LRCH2: variants seen among roughly 807,000 people sequenced by gnomAD.
LRCH2 encodes leucine rich repeats and calponin homology domain containing 2.
Under a neutral mutation model 68.9 loss-of-function variants are expected in LRCH2, and 38 were observed. That is an observed-to-expected ratio of 0.55 (90% CI 0.43 to 0.72). The LOEUF is 0.72. Among genes scored for constraint, LRCH2 ranks in the 30% least tolerant of loss-of-function variants. The pLI is 0.00. For synonymous variants in LRCH2, 191 were observed against 208.1 expected (o/e 0.92, Z 0.71); for missense variants, 528 against 572.9 (o/e 0.92, Z 0.80).
intron 1 of LRCH2, chrX:115,190,773 C>T (rs1556558115): frequency 8.6e-7 from 1 of 1,165,536 alleles, no homozygotes; most frequent in Admixed American, 2.6e-5. Flanking sequence ...ATGCCCACAG[C>T]AGGGGCCGGT....
In LRCH2 at chrX:115,179,444, G is replaced by A; in HGVS notation, c.847C>T (p.Gln283Ter). Residue 283 changes from glutamine (Q) to a stop codon, truncating the protein, a stop_gained, in exon 5 of 21, where the codon CAA becomes TAA. Coordinates refer to ENST00000317135, the MANE Select transcript of LRCH2 (RefSeq NM_020871.4). LOFTEE classifies it high-confidence loss of function. ...QVIILDNNPL[Q>*]VPPAQICLKG... ...TTACAAACCTGTGCTGGTGGTACTT[G>A]CAATGGATTGTTATCCAAAATTATT... is the stretch of plus-strand genomic sequence containing the variant. The A allele has an allele frequency of 1.8e-6, 2 of 1,131,600 alleles. No homozygotes were observed. Among genetic ancestry groups the A allele is most frequent in the South Asian group, 2.2e-5 (1 of 45,556 alleles). The allele number at this position is 1,131,600 out of a possible 1,213,427, so 93.3% of individuals were successfully genotyped here. A position where few individuals can be genotyped will look rare whatever the true frequency, so the allele number is the denominator to read the frequency against.
In LRCH2 at chrX:115,113,073, T is replaced by C. The variant is rs972837107; in HGVS notation, c.*143A>G. ...CGGGCAATTCAATGTTTAAGTTTGA[T>C]GTTTCAATGTAATTTTTTTAAAATC... is the stretch of plus-strand genomic sequence containing the variant. On this transcript the variant is annotated 3_prime_UTR_variant, in exon 21 of 21. Coordinates refer to ENST00000317135, the MANE Select transcript of LRCH2 (RefSeq NM_020871.4). 18 of 447,317 alleles carry C rather than the reference T, an allele frequency of 4.0e-5. No individual in the cohort carries two copies. Among genetic ancestry groups the C allele is most frequent in the Non-Finnish European group, 5.8e-5 (17 of 294,149 alleles). The allele number at this position is 447,317 out of a possible 1,213,427, so 36.9% of individuals were successfully genotyped here.
At chrX:115,120,915 G>A (rs1437639851) in intron 20 of LRCH2, among the ~76,000 whole-genome samples, 12 of 104,105 alleles carry the variant, frequency 1.2e-4, no homozygotes, top group African/African-American at 2.8e-4. Flanking sequence ...GTAAACTATC[G>A]CAAGAACAAA....
intron 15 of LRCH2, among the ~76,000 whole-genome samples, chrX:115,128,957 T>C (rs1264453186): frequency 1.8e-5 from 2 of 112,159 alleles, no homozygotes; most frequent in Non-Finnish European, 3.8e-5. Context: ...GTAATTTTAG[T>C]GTACAGCCAA....
In LRCH2 at chrX:115,140,077, G is replaced by A. The variant is rs782789148; in HGVS notation, c.1695+9750C>T. On this transcript the variant is annotated intron_variant, in intron 14 of 20. Transcript: ENST00000317135. Reference sequence around the variant, plus strand: ...CCCCCAACCCCAGACAGTGCAGCTCGCAGCAATGAGAAAGAGACCCCTTCC... The same window carrying A: ...CCCCCAACCCCAGACAGTGCAGCTCACAGCAATGAGAAAGAGACCCCTTCC... 7.2e-5 allele frequency among the ~76,000 whole-genome samples: 8 copies of A among 111,006 alleles called. No individual in the cohort carries two copies. In the South Asian group the frequency reaches 3.1e-3, roughly 43 times the overall value.
chrX:115,176,573 C>CAG (rs2072649737), intron 5 of LRCH2, among the ~76,000 whole-genome samples: 1 of 107,436 alleles, frequency 9.3e-6, no homozygotes, highest in South Asian at 4.0e-4. Context: ...AACCCCTCAT[C>CAG]AGATATATGG....
intron 1 of LRCH2, among the ~76,000 whole-genome samples, chrX:115,204,261 T>A (rs1265230156): frequency 8.8e-6 from 1 of 113,349 alleles, no homozygotes; most frequent in African/African-American, 3.2e-5. Flanking sequence ...GAAACCATTT[T>A]TCCCTCCTAG....
Position 115,188,259 on chromosome X carries a change from T to C in LRCH2, c.461A>G (p.Lys154Arg), listed in dbSNP as rs1556555295. 8.5e-7 allele frequency: 1 copy of C among 1,176,694 alleles called. No individual in the cohort carries two copies. Residue 154 changes from lysine (K) to arginine (R), a missense_variant, in exon 2 of 21, where the codon AAA becomes AGA. Coordinates refer to ENST00000317135, the MANE Select transcript of LRCH2 (RefSeq NM_020871.4). ...NCIKTIPEAI[K>R]NLQMLTYLNI... ...AAGGTATGTTAACATCTGCAGATTT[T>C]TAATGGCTTCAGGAATGGTTTTGAT...
chrX:115,126,980 G>A, intron 15 of LRCH2, 87 bp from the exon 16 acceptor site: 1 of 567,272 alleles, frequency 1.8e-6, no homozygotes, highest in Non-Finnish European at 2.6e-6. Flanking sequence ...AAATTGTTCT[G>A]ACCAACTACT....
chrX:115,135,937 T>C (rs1314551946), intron 14 of LRCH2, among the ~76,000 whole-genome samples: 2 of 112,070 alleles, frequency 1.8e-5, no homozygotes, highest in Non-Finnish European at 3.8e-5. Flanking sequence ...ACACTTAGAT[T>C]ATAGAACAAT....
At chrX:115,170,708 T>G in intron 5 of LRCH2, among the ~76,000 whole-genome samples, 1 of 111,849 alleles carries the variant, frequency 8.9e-6, no homozygotes, top group Non-Finnish European at 1.9e-5. Flanking sequence ...GTACAAACTA[T>G]TAAACAATAT....
intron 11 of LRCH2, among the ~76,000 whole-genome samples, chrX:115,157,195 G>T (rs1425464541): frequency 9.2e-6 from 1 of 109,148 alleles, no homozygotes; most frequent in African/African-American, 3.3e-5. Context: ...TTATAAGAGA[G>T]AACTATTTCT....
chrX:115,118,698 G>A lies in LRCH2; in HGVS notation c.2178+3829C>T, dbSNP rs1250360077. Among the ~76,000 whole-genome samples, 44 of 111,063 alleles carry A rather than the reference G, an allele frequency of 4.0e-4. 1 individual carries two copies. The highest frequency in any genetic ancestry group is 4.6e-3 in the Middle Eastern group (1 of 216). On this transcript the variant is annotated intron_variant, in intron 20 of 20. Transcript: ENST00000317135. The stretch of plus-strand genomic sequence containing the variant: ...CCAGCATCATCCTGATACCAAAGCC[G>A]AGCAGAGACACAACCAAAAAAGAGA...
At chrX:115,160,304 A>T (rs1207000743) in intron 11 of LRCH2, among the ~76,000 whole-genome samples, 1 of 111,392 alleles carries the variant, frequency 9.0e-6, no homozygotes, top group African/African-American at 3.3e-5. Context: ...CAACAGAGTG[A>T]GACTCCGTCT....
At chrX:115,135,609 A>T (rs1435320316) in intron 14 of LRCH2, among the ~76,000 whole-genome samples, 1 of 112,153 alleles carries the variant, frequency 8.9e-6, no homozygotes, top group African/African-American at 3.2e-5. Context: ...AATGTGACAT[A>T]CCCTTATTTG....
intron 3 of LRCH2, among the ~76,000 whole-genome samples, chrX:115,180,403 G>A (rs1411971835): frequency 4.5e-5 from 5 of 110,060 alleles, no homozygotes; most frequent in Non-Finnish European, 9.5e-5. Flanking sequence ...AAAGGCAAAC[G>A]ATATCAAGTT....
chrX:115,170,231 T>C, intron 6 of LRCH2, 68 bp downstream of exon 6: 1 of 1,013,053 alleles, frequency 9.9e-7, no homozygotes, highest in East Asian at 3.5e-5. Flanking sequence ...CACTCAAGAT[T>C]AATAAGTATA....
intron 14 of LRCH2, among the ~76,000 whole-genome samples, chrX:115,147,080 C>T (rs1176406606): frequency 9.0e-6 from 1 of 110,871 alleles, no homozygotes; most frequent in Non-Finnish European, 1.9e-5. Context: ...CTGTACATTT[C>T]GTAACATAGC....
At chrX:115,190,236 C>T (rs1556556963) in intron 1 of LRCH2, 1 of 1,163,817 alleles carries the variant, frequency 8.6e-7, no homozygotes, top group Non-Finnish European at 1.1e-6. Flanking sequence ...GCTATTATGG[C>T]CACTCCAGTG....
Sources: allele counts gnomAD v4.1 joint callset (sites outside exome capture counted in the v4.1 genomes callset), GRCh38; gene constraint gnomAD v4.1.1; transcripts MANE v1.5; gene names NCBI Gene and HGNC (gene_info 2026-07-23, HGNC 2026-07-21).